Variants in BTC observed in about 807,000 individuals in gnomAD.
BTC encodes the protein probetacellulin.
BTC carries 13 observed loss-of-function variants against 18.1 expected under a neutral mutation model. That is an observed-to-expected ratio of 0.72 (90% CI 0.47 to 1.14). The LOEUF (loss-of-function observed/expected upper bound fraction) is 1.14, where lower values mean the gene tolerates loss of function less well. Among genes scored for constraint, BTC ranks in the 50% most tolerant of loss-of-function variants. The pLI, the probability that BTC is intolerant of heterozygous loss-of-function variation, is 0.00. For missense variants in BTC, 247 were observed against 224.2 expected, an observed-to-expected ratio of 1.10 and a Z score of -0.65; for synonymous variants, 83 against 79.4, an observed-to-expected ratio of 1.05 and a Z score of -0.24.
At chr4:74,789,975 G>A (rs1448674120) in intron 1 of BTC, among the ~76,000 whole-genome samples, 1 of 152,124 alleles carries the variant, frequency 6.6e-6, no homozygotes, top group Non-Finnish European at 1.5e-5. Flanking sequence ...AGAATCTGTA[G>A]AGGCATTTAT....
At chr4:74,774,336 A>G (rs1725122420) in intron 1 of BTC, among the ~76,000 whole-genome samples, 1 of 152,200 alleles carries the variant, frequency 6.6e-6, no homozygotes, top group Non-Finnish European at 1.5e-5. Context: ...ATATAAGGTC[A>G]GCAGATAAAG....
chr4:74,793,667 C>G (rs573037556), intron 1 of BTC, among the ~76,000 whole-genome samples: 1 of 152,250 alleles, frequency 6.6e-6, no homozygotes, highest in East Asian at 1.9e-4. Context: ...AGTTCCAGCT[C>G]TGCTTTGTGA....
At chr4:74,761,528 A>G (rs375443736) in intron 2 of BTC, among the ~76,000 whole-genome samples, 11 of 152,236 alleles carry the variant, frequency 7.2e-5, no homozygotes, top group Middle Eastern at 3.2e-3. Context: ...TCTAACTGGC[A>G]TTTCAACTTA....
chr4:74,782,850 CG>C (rs1725370090), intron 1 of BTC, among the ~76,000 whole-genome samples: 1 of 152,074 alleles, frequency 6.6e-6, no homozygotes, highest in Non-Finnish European at 1.5e-5. Context: ...CTCTAATGAT[CG>C]GTGATGTTGA....
At chr4:74,759,236 C>CA (rs1553957050) in intron 2 of BTC, among the ~76,000 whole-genome samples, 1 of 151,822 alleles carries the variant, frequency 6.6e-6, no homozygotes, top group Non-Finnish European at 1.5e-5. Context: ...AATCCTATGA[C>CA]AAAATAGGGA....
intron 2 of BTC, among the ~76,000 whole-genome samples, chr4:74,758,062 G>A (rs1369920835): frequency 6.6e-6 from 1 of 152,142 alleles, no homozygotes; most frequent in Non-Finnish European, 1.5e-5. Flanking sequence ...AGAAATGTAT[G>A]GAAAATGTAG....
At chr4:74,794,230 C>G in intron 1 of BTC, 32 bp downstream of exon 1, 4 of 1,549,860 alleles carry the variant, frequency 2.6e-6, no homozygotes, top group Non-Finnish European at 3.5e-6. Flanking sequence ...AGACTTTCCT[C>G]CTGGTTTCCA....
intron 1 of BTC, among the ~76,000 whole-genome samples, chr4:74,793,021 C>T (rs1446832526): frequency 5.3e-5 from 8 of 152,208 alleles, no homozygotes; most frequent in African/African-American, 1.9e-4. Flanking sequence ...TCAGGGAATA[C>T]TTTGACTGTT....
intron 4 of BTC, 117 bp downstream of exon 4, chr4:74,750,455 TA>T: frequency 9.4e-7 from 1 of 1,065,740 alleles, no homozygotes. Context: ...GCTCAAAAAG[TA>T]AATTTATTTG....
chr4:74,757,713 G>A (rs868954419), intron 2 of BTC, among the ~76,000 whole-genome samples: 4 of 152,212 alleles, frequency 2.6e-5, no homozygotes, highest in South Asian at 2.1e-4. Context: ...ATCATAACCA[G>A]ATAATAGTTT....
chr4:74,749,745 C>CAAAAAAAAAAAAAAAAA (rs71220725), intron 4 of BTC, among the ~76,000 whole-genome samples: 1 of 54,900 alleles, frequency 1.8e-5, no homozygotes, highest in African/African-American at 7.8e-5. Context: ...TCCTGCTCTG[C>CAAAAAAAAAAAAAAAAA]AAAAAAAAAA....
intron 1 of BTC, among the ~76,000 whole-genome samples, chr4:74,772,812 T>G (rs1725078529): frequency 1.3e-5 from 2 of 152,214 alleles, no homozygotes; most frequent in Non-Finnish European, 2.9e-5. Context: ...GTTGCACGCC[T>G]TCTCACTATC....
chr4:74,769,108 A>T (rs1724975195), intron 2 of BTC, among the ~76,000 whole-genome samples: 1 of 152,138 alleles, frequency 6.6e-6, no homozygotes, highest in South Asian at 2.1e-4. Context: ...CAACTTCCCG[A>T]GGGTGCTAGG....
chr4:74,784,400 C>G (rs1040196326), intron 1 of BTC, among the ~76,000 whole-genome samples: 1 of 152,128 alleles, frequency 6.6e-6, no homozygotes, highest in Non-Finnish European at 1.5e-5. Flanking sequence ...TCAACTTCCT[C>G]TCTTCCTACT....
At chr4:74,790,115 A>G (rs1027241865) in intron 1 of BTC, among the ~76,000 whole-genome samples, 1 of 152,188 alleles carries the variant, frequency 6.6e-6, no homozygotes, top group Non-Finnish European at 1.5e-5. Context: ...AACTAGCGGG[A>G]GCAGGAATTT....
intron 1 of BTC, among the ~76,000 whole-genome samples, chr4:74,774,046 T>C (rs939159768): frequency 6.6e-6 from 1 of 152,206 alleles, no homozygotes; most frequent in African/African-American, 2.4e-5. Context: ...GAGTTCTTAA[T>C]GAGGAATAAA....
In BTC at chr4:74,794,311, G is replaced by A. The variant is rs899510640; in HGVS notation, c.15C>T (p.Ala5=). 10 of 1,547,688 alleles carry A rather than the reference G, an allele frequency of 6.5e-6. No homozygotes were observed. Among genetic ancestry groups the A allele is most frequent in the Non-Finnish European group, 8.7e-6 (10 of 1,146,140 alleles). ...GCAGGGAGCTGGCGCCGCTGCACCG[G>A]GCGGCCCGGTCCATCAACCCCGCTC... MDRA[A]RCSGASSLPL... Residue 5 remains alanine (A), a synonymous_variant, in exon 1 of 6, where the codon GCC becomes GCT. Transcript: ENST00000395743.
chr4:74,757,061 C>T (rs1158660565), intron 2 of BTC, among the ~76,000 whole-genome samples: 1 of 152,154 alleles, frequency 6.6e-6, no homozygotes, highest in Non-Finnish European at 1.5e-5. Flanking sequence ...ATGGTATAAC[C>T]AACAGCTTGC....
chr4:74,791,028 G>A (rs1453680471), intron 1 of BTC, among the ~76,000 whole-genome samples: 3 of 152,180 alleles, frequency 2.0e-5, no homozygotes, highest in African/African-American at 7.2e-5. Context: ...CTCTGCACTG[G>A]AGTGTCCTAT....
Sources: allele counts gnomAD v4.1 joint callset (sites outside exome capture counted in the v4.1 genomes callset), GRCh38; gene constraint gnomAD v4.1.1; transcripts MANE v1.5; gene names NCBI Gene and HGNC (gene_info 2026-07-23, HGNC 2026-07-21).